ZGRF1: variants seen among roughly 807,000 people sequenced by gnomAD.
ZGRF1 encodes 5'-3' DNA helicase ZGRF1.
A neutral mutation model predicts 203.5 loss-of-function variants in ZGRF1; 196 were observed. The ratio of observed to expected loss-of-function variants is 0.96; its 90% CI spans 0.86 to 1.08. ZGRF1 has a LOEUF of 1.08. Ranked by LOEUF, ZGRF1 falls within the 50% of genes least tolerant of loss-of-function variation. ZGRF1 has a pLI of 0.00. For missense variants in ZGRF1, 2,326 were observed against 2,416.3 expected (o/e 0.96, Z 0.78); for synonymous variants, 809 against 841.3 (o/e 0.96, Z 0.66).
At position 112,601,198 on chromosome 4, in the gene ZGRF1, C is replaced by G. The variant is rs1038068622; in HGVS notation, c.2976+2326G>C. ...GGCTGAGGCAGGAAGATCGTTTGAG[C>G]CCAGGAGTTCAAAACCAGCAGCAAC... On this transcript the variant is annotated intron_variant, in intron 10 of 27. Coordinates refer to ENST00000505019, the MANE Select transcript of ZGRF1 (RefSeq NM_018392.5). 2.0e-5 allele frequency among the ~76,000 whole-genome samples: 3 copies of G among 151,688 alleles called. No homozygotes were observed. In the South Asian group the frequency reaches 6.2e-4, roughly 32 times the overall value.
At chr4:112,588,777 T>C (rs1409665875) in intron 11 of ZGRF1, among the ~76,000 whole-genome samples, 1 of 152,164 alleles carries the variant, frequency 6.6e-6, no homozygotes, top group Non-Finnish European at 1.5e-5. Context: ...CTGGAGATCA[T>C]CTGGAAAGTA....
chr4:112,579,081 G>A (rs557388098), intron 16 of ZGRF1, among the ~76,000 whole-genome samples: 2 of 123,176 alleles, frequency 1.6e-5, no homozygotes, highest in African/African-American at 5.6e-5. Flanking sequence ...CCATGATCAA[G>A]TGGGCTTCAT....
chr4:112,555,815 T>C (rs1350277595), intron 20 of ZGRF1, among the ~76,000 whole-genome samples: 1 of 152,222 alleles, frequency 6.6e-6, no homozygotes, highest in Non-Finnish European at 1.5e-5. Context: ...AGATCCTAAT[T>C]AGAGATTCAC....
intron 15 of ZGRF1, among the ~76,000 whole-genome samples, chr4:112,582,931 A>C (rs1746526417): frequency 6.6e-6 from 1 of 152,114 alleles, no homozygotes; most frequent in Non-Finnish European, 1.5e-5. Context: ...GGCTATTGTG[A>C]ATACTGCTGA....
chr4:112,608,552 G>A (rs1751105814), intron 8 of ZGRF1, among the ~76,000 whole-genome samples: 1 of 151,062 alleles, frequency 6.6e-6, no homozygotes, highest in Admixed American at 6.6e-5. Context: ...CCCAGGAGGC[G>A]GAGGTTGCGG....
At chr4:112,587,252 GCAC>G (rs1747335384) in intron 12 of ZGRF1, 25 bp downstream of exon 12, 2 of 1,546,488 alleles carry the variant, frequency 1.3e-6, no homozygotes, top group African/African-American at 1.4e-5. Flanking sequence ...TTGGAAAAAT[GCAC>G]CACAAGACCG....
At chr4:112,566,259 G>C (rs913273635) in intron 16 of ZGRF1, among the ~76,000 whole-genome samples, 13 of 144,584 alleles carry the variant, frequency 9.0e-5, no homozygotes, top group African/African-American at 3.3e-4. Context: ...CAAACACCAC[G>C]TATTCTCACT....
Position 112,585,731 on chromosome 4 carries a change from A to G in ZGRF1, c.3917-6T>C. 2 of 1,076,496 alleles carry G rather than the reference A, an allele frequency of 1.9e-6. No homozygotes were observed. Among genetic ancestry groups the G allele is most frequent in the Non-Finnish European group, 2.5e-6 (2 of 805,242 alleles). The allele number at this position is 1,076,496 out of a possible 1,614,324, so 66.7% of individuals were successfully genotyped here. On this transcript the variant is annotated splice_polypyrimidine_tract_variant and splice_region_variant and intron_variant, in intron 13 of 27. Transcript: ENST00000505019. ...CAGCAATATATTTAGATGTTCTACAAAAAAAAAAAAAAGAGAGCAGAAAAT... is the reference window on the plus strand; with the variant it reads ...CAGCAATATATTTAGATGTTCTACAGAAAAAAAAAAAAGAGAGCAGAAAAT...
intron 3 of ZGRF1, among the ~76,000 whole-genome samples, chr4:112,630,779 A>C (rs1291696981): frequency 6.6e-6 from 1 of 151,844 alleles, no homozygotes; most frequent in Non-Finnish European, 1.5e-5. Context: ...AGTCCCAGCT[A>C]CTTGGGGGGC....
intron 1 of ZGRF1, among the ~76,000 whole-genome samples, chr4:112,633,560 C>T (rs899049273): frequency 9.9e-5 from 15 of 152,198 alleles, no homozygotes; most frequent in Admixed American, 9.8e-4. Flanking sequence ...TTCCCTATAG[C>T]GCAAATTCAA....
intron 21 of ZGRF1, among the ~76,000 whole-genome samples, chr4:112,554,276 C>T (rs1213933934): frequency 7.1e-6 from 1 of 141,176 alleles, no homozygotes; most frequent in Non-Finnish European, 1.5e-5. Flanking sequence ...TTGTTCAATT[C>T]CCACCTATGA....
Position 112,612,897 on chromosome 4 carries a change from A to C in ZGRF1, c.2603-309T>G, listed in dbSNP as rs368037115. Among the ~76,000 whole-genome samples, 8 of 152,306 alleles carry C rather than the reference A, an allele frequency of 5.3e-5. No individual in the cohort carries two copies. In the East Asian group the frequency reaches 1.2e-3, roughly 22 times the overall value. On this transcript the variant is annotated intron_variant, in intron 6 of 27. Coordinates refer to ENST00000505019, the MANE Select transcript of ZGRF1 (RefSeq NM_018392.5). ...CTAATTAAAAAATAAATACTAACCCAATAGTTAATAACCTATACTAAAAAT... is the reference window on the plus strand; with the variant it reads ...CTAATTAAAAAATAAATACTAACCCCATAGTTAATAACCTATACTAAAAAT...
Position 112,603,556 on chromosome 4 carries a change from G to A in ZGRF1, c.2944C>T (p.Pro982Ser). 6.2e-7 allele frequency: 1 copy of A among 1,613,510 alleles called. No individual in the cohort carries two copies. Among genetic ancestry groups the A allele is most frequent in the African/African-American group, 1.3e-5 (1 of 75,014 alleles). ...AAGTCAATCTGCATACACGTGCTAG[G>A]TAACTCTGGTGTCTCTGTCATAAAG... is the stretch of plus-strand genomic sequence containing the variant. Reference protein sequence around the residue: ...ENFMTETPELPSTCMQIDFLQ... With the variant: ...ENFMTETPELSSTCMQIDFLQ... Residue 982 changes from proline to serine, a missense_variant, in exon 10 of 28, where the codon CCT becomes TCT. By Grantham distance (74) the Pro-to-Ser change is moderately conservative. Transcript: ENST00000505019.
At chr4:112,600,024 T>C (rs1270617425) in intron 10 of ZGRF1, among the ~76,000 whole-genome samples, 2 of 151,918 alleles carry the variant, frequency 1.3e-5, no homozygotes, top group Non-Finnish European at 2.9e-5. Context: ...AGAGAATATC[T>C]TCATGATCTT....
intron 8 of ZGRF1, among the ~76,000 whole-genome samples, chr4:112,607,026 C>T (rs979967421): frequency 1.3e-5 from 2 of 152,150 alleles, no homozygotes; most frequent in Admixed American, 1.3e-4. Flanking sequence ...TATATTTCTT[C>T]AAATAATGGT....
rs755003896 is a variant in ZGRF1 at position 112,587,589 on chromosome 4, G to A, written c.3468C>T (p.Asn1156=). The A allele has an allele frequency of 2.3e-5, 37 of 1,613,672 alleles. No homozygotes were observed. Among genetic ancestry groups the A allele is most frequent in the Non-Finnish European group, 2.9e-5 (34 of 1,179,810 alleles). The part of the protein sequence containing the change: ...WLKYQNTSQC[N]VATPNRVDKR... ...TATCAACTCTGTTTGGAGTAGCCAC[G>A]TTGCATTGGGATGTGTTTTGATATT... The change falls in exon 12 of 28, where the codon AAC becomes AAT. Residue 1156 remains asparagine (N), a synonymous_variant. Transcript: ENST00000505019.
chr4:112,587,630 G>T lies in ZGRF1; in HGVS notation c.3427C>A (p.Gln1143Lys). Reference protein sequence around the residue: ...GDVSLNNISTQSKWLKYQNTS... With the variant: ...GDVSLNNISTKSKWLKYQNTS... ...TTTTGATATTTCAGCCACTTGCTCTGAGTAGATATATTATTAAGTGAAACA... is the reference window on the plus strand; with the variant it reads ...TTTTGATATTTCAGCCACTTGCTCTTAGTAGATATATTATTAAGTGAAACA... Residue 1143 changes from glutamine (Q) to lysine (K), a missense_variant, in exon 12 of 28, where the codon CAG becomes AAG. Physicochemically the swap from Gln to Lys is moderately conservative, Grantham distance 53 (BLOSUM62 1). Transcript: ENST00000505019. 1 of 1,613,804 alleles carries T rather than the reference G, an allele frequency of 6.2e-7. No homozygotes were observed.
chr4:112,611,274 G>A (rs1322684581), intron 7 of ZGRF1, among the ~76,000 whole-genome samples: 2 of 152,060 alleles, frequency 1.3e-5, no homozygotes, highest in African/African-American at 2.4e-5. Flanking sequence ...GTGGTGGCAC[G>A]CACCTGTAAT....
intron 2 of ZGRF1, among the ~76,000 whole-genome samples, chr4:112,632,526 G>A (rs2047444639): frequency 6.6e-6 from 1 of 152,190 alleles, no homozygotes; most frequent in Admixed American, 6.5e-5. Flanking sequence ...CAGGGGTGCA[G>A]AATGAAGTTT....
Sources: allele counts gnomAD v4.1 joint callset (sites outside exome capture counted in the v4.1 genomes callset), GRCh38; gene constraint gnomAD v4.1.1; transcripts MANE v1.5; gene names NCBI Gene and HGNC (gene_info 2026-07-23, HGNC 2026-07-21).